Variants in MAP1LC3A observed in about 807,000 individuals in gnomAD.
MAP1LC3A encodes microtubule associated protein 1 light chain 3 alpha.
A neutral mutation model predicts 15.2 loss-of-function variants in MAP1LC3A; 10 were observed. The observed-to-expected ratio is 0.66, with a 90% CI of 0.41 to 1.12. The LOEUF (loss-of-function observed/expected upper bound fraction) is 1.12, where lower values mean the gene tolerates loss of function less well. Ranked by LOEUF, MAP1LC3A falls within the 50% of genes most tolerant of loss-of-function variation. The pLI is 0.00. For missense variants in MAP1LC3A, 138 were observed against 167.3 expected (o/e 0.82, Z 0.97); for synonymous variants, 63 against 64.3 (o/e 0.98, Z 0.10).
chr20:34,551,303 T>A (rs1453871905), intron 2 of MAP1LC3A, among the ~76,000 whole-genome samples: 1 of 151,050 alleles, frequency 6.6e-6, no homozygotes, highest in Admixed American at 6.6e-5. Context: ...CAAAACTTCA[T>A]GTTGAATTAA....
At chr20:34,553,669 G>T (rs1165437783) in intron 2 of MAP1LC3A, among the ~76,000 whole-genome samples, 2 of 152,026 alleles carry the variant, frequency 1.3e-5, no homozygotes, top group Non-Finnish European at 2.9e-5. Flanking sequence ...TGTTTGTTTT[G>T]GCAAATAAAG....
upstream of MAP1LC3A, among the ~76,000 whole-genome samples, chr20:34,554,442 C>T (rs1279999431): frequency 7.2e-6 from 1 of 139,242 alleles, no homozygotes; most frequent in Non-Finnish European, 1.5e-5. Context: ...GGCGCGATCT[C>T]GGTTCACTGC....
chr20:34,558,826 G>A lies in MAP1LC3A; in HGVS notation c.-43G>A. On this transcript the variant is annotated 5_prime_UTR_variant, in exon 1 of 4. Transcript: ENST00000360668. This position sits in a 1 kb window ranked among gnomAD's most constrained non-coding sequence, Gnocchi z 4.3. The stretch of plus-strand genomic sequence containing the variant: ...GCCCCCAAACCGCAGACACATCCCC[G>A]CGCCCCAGAGCCCCGGCCTGCGCGC... 3.5e-6 allele frequency: 5 copies of A among 1,422,768 alleles called. No individual in the cohort carries two copies. Among genetic ancestry groups the A allele is most frequent in the Non-Finnish European group, 4.6e-6 (5 of 1,095,040 alleles). The allele number at this position is 1,422,768 out of a possible 1,614,324, so 88.1% of individuals were successfully genotyped here.
At chr20:34,559,560 G>A in intron 3 of MAP1LC3A, 107 bp downstream of exon 3, 1 of 1,269,414 alleles carries the variant, frequency 7.9e-7, no homozygotes, top group East Asian at 2.4e-5. Flanking sequence ...CGGGCGGTGG[G>A]CCCCTGTTCT....
At chr20:34,558,435 G>A (rs2146678863), upstream of MAP1LC3A, 1 of 996,382 alleles carries the variant, frequency 1.0e-6, no homozygotes, top group Non-Finnish European at 1.2e-6. The surrounding 1 kb of genome is among the most constrained non-coding windows in gnomAD (Gnocchi z 4.3). Flanking sequence ...GCGGGAAGTG[G>A]TGCCGTGGGG....
At chr20:34,558,527 G>A (rs1053994907), upstream of MAP1LC3A, 2 of 1,097,700 alleles carry the variant, frequency 1.8e-6, no homozygotes, top group South Asian at 4.3e-5. This position sits in a 1 kb window ranked among gnomAD's most constrained non-coding sequence, Gnocchi z 4.3. Flanking sequence ...GGCTGCGGGA[G>A]AAGCTCCCGC....
At chr20:34,558,535 C>A (rs1982245939), upstream of MAP1LC3A, 1 of 1,115,878 alleles carries the variant, frequency 9.0e-7, no homozygotes, top group Non-Finnish European at 1.1e-6. This position sits in a 1 kb window ranked among gnomAD's most constrained non-coding sequence, Gnocchi z 4.3. Flanking sequence ...GAGAAGCTCC[C>A]GCGCTGCCCA....
intron 1 of MAP1LC3A, among the ~76,000 whole-genome samples, chr20:34,547,959 GCTTC>G (rs1981802532): frequency 6.6e-6 from 1 of 152,144 alleles, no homozygotes; most frequent in Non-Finnish European, 1.5e-5. Context: ...GCTCGGCCTT[GCTTC>G]TGCAGGGGAG....
At chr20:34,550,171 A>C in intron 2 of MAP1LC3A, 7 of 723,086 alleles carry the variant, frequency 9.7e-6, no homozygotes, top group Non-Finnish European at 1.2e-5. Context: ...ACTTTTTCTC[A>C]GGCCCATGGG....
chr20:34,558,564 A>G (rs554924165), upstream of MAP1LC3A: 20 of 1,173,192 alleles, frequency 1.7e-5, no homozygotes, highest in South Asian at 1.1e-4. This position sits in a 1 kb window ranked among gnomAD's most constrained non-coding sequence, Gnocchi z 4.3. Flanking sequence ...CGGGACTGTG[A>G]CGCGCCCAGA....
chr20:34,548,546 G>A (rs1263196207), intron 1 of MAP1LC3A, among the ~76,000 whole-genome samples: 1 of 152,204 alleles, frequency 6.6e-6, no homozygotes, highest in East Asian at 1.9e-4. Context: ...CCAGGTCTGA[G>A]GCCCTGCATG....
Position 34,559,320 on chromosome 20 carries a change from C to G in MAP1LC3A, c.97-27C>G, listed in dbSNP as rs771255527. 4.4e-6 allele frequency: 7 copies of G among 1,573,306 alleles called. No individual in the cohort carries two copies. In the Admixed American group the frequency reaches 8.6e-5, roughly 19 times the overall value. Reference sequence around the variant, plus strand: ...CCCGCCTCGCGCGTTCCCGACACGACCCCCTGCCCGCCCGCCCTGCTCCCA... The same window carrying G: ...CCCGCCTCGCGCGTTCCCGACACGAGCCCCTGCCCGCCCGCCCTGCTCCCA... On this transcript the variant is annotated intron_variant, in intron 2 of 3. Coordinates refer to ENST00000360668, the MANE Select transcript of MAP1LC3A (RefSeq NM_032514.4).
Position 34,560,005 on chromosome 20 carries a change from C to A in MAP1LC3A, c.*107C>A, listed in dbSNP as rs929684541. 4.1e-6 allele frequency: 5 copies of A among 1,218,672 alleles called. No individual in the cohort carries two copies. In the African/African-American group the frequency reaches 6.1e-5, roughly 15 times the overall value. The allele number at this position is 1,218,672 out of a possible 1,614,324, so 75.5% of individuals were successfully genotyped here. On this transcript the variant is annotated 3_prime_UTR_variant, in exon 4 of 4. Transcript: ENST00000360668. ...GCTGCCTCTACCGTGGTGGGCTGGG[C>A]AGGCATGTGCCCCCCTAGTCAGAGG...
At chr20:34,555,857 T>C (rs546877554), upstream of MAP1LC3A, among the ~76,000 whole-genome samples, 128 of 151,122 alleles carry the variant, frequency 8.5e-4, 1 homozygote, top group Middle Eastern at 3.4e-3. Context: ...TTTTTTTTTT[T>C]TTTTTGATGG....
At chr20:34,554,381 T>G (rs1391978680), upstream of MAP1LC3A, among the ~76,000 whole-genome samples, 12 of 75,156 alleles carry the variant, frequency 1.6e-4, no homozygotes, top group Admixed American at 2.2e-3. Flanking sequence ...TTTTTTTTTT[T>G]TTTTTTTTTT....
In MAP1LC3A at chr20:34,560,043, C is replaced by CT. The variant is rs1200388651; in HGVS notation, c.*146dup. The CT allele has an allele frequency of 1.3e-6, 1 of 774,338 alleles. No individual in the cohort carries two copies. The highest frequency in any genetic ancestry group is 3.0e-5 in the Admixed American group (1 of 32,904). The allele number at this position is 774,338 out of a possible 1,614,324, so 48.0% of individuals were successfully genotyped here. ...CCCTAGTCAGAGGGCACCAACCCAC[C>CT]TACTCTGCCCCTGGGTGGATCCTGG... On this transcript the variant is annotated 3_prime_UTR_variant, in exon 4 of 4. Transcript: ENST00000360668.
In MAP1LC3A at chr20:34,552,382, T is replaced by G. The variant is rs1397372252; in HGVS notation, c.52+2353T>G. 5.9e-5 allele frequency among the ~76,000 whole-genome samples: 9 copies of G among 152,352 alleles called. No homozygotes were observed. In the East Asian group the frequency reaches 1.7e-3, roughly 29 times the overall value. On this transcript the variant is annotated intron_variant, in intron 2 of 4. Transcript: ENST00000374837. ...CAAGTGTGTTTGAACGCTTTCATAA[T>G]GAAATGCCCAGAAAAATTATACAGC...
At position 34,559,914 on chromosome 20, in the gene MAP1LC3A, G is replaced by C. The variant is rs763644108; in HGVS notation, c.*16G>C. Reference sequence around the variant, plus strand: ...CGGCTTCTGAGCCAGCAGTAGGGGGGCTCGGCCTGGGAGTCGGGCGGCCCC... The same window carrying C: ...CGGCTTCTGAGCCAGCAGTAGGGGGCCTCGGCCTGGGAGTCGGGCGGCCCC... On this transcript the variant is annotated 3_prime_UTR_variant, in exon 4 of 4. Coordinates refer to ENST00000360668, the MANE Select transcript of MAP1LC3A (RefSeq NM_032514.4). 1.2e-6 allele frequency: 2 copies of C among 1,604,362 alleles called. No individual in the cohort carries two copies. Among genetic ancestry groups the C allele is most frequent in the Admixed American group, 1.7e-5 (1 of 58,482 alleles).
At chr20:34,559,285 C>T (rs6120678) in intron 2 of MAP1LC3A, 22 bp downstream of exon 2, 1 of 1,588,338 alleles carries the variant, frequency 6.3e-7, no homozygotes, top group Non-Finnish European at 8.6e-7. Flanking sequence ...ACCCCCAGCC[C>T]TGCCCCGCCC....
Sources: gnomAD v4.1 joint callset for allele counts (sites outside exome capture counted in the v4.1 genomes callset) on GRCh38, gnomAD v4.1.1 for gene constraint, Gnocchi (gnomAD v3.1) non-coding constraint, MANE v1.5 for transcripts, NCBI Gene and HGNC (gene_info 2026-07-23, HGNC 2026-07-21) for gene names.